Variants in PARP9 observed in about 807,000 individuals in gnomAD.
The protein encoded by PARP9 is protein mono-ADP-ribosyltransferase PARP9.
In PARP9, 48 loss-of-function variants were observed where a neutral mutation model predicts 68.8. The observed-to-expected ratio is 0.70, with a 90% CI of 0.55 to 0.89. The LOEUF (loss-of-function observed/expected upper bound fraction) is 0.89. PARP9 is among the 40% of genes least tolerant of loss of function. The probability of loss-of-function intolerance (pLI) is 0.00; values close to 1 mark genes in which losing one functional copy is unlikely to be tolerated. For missense variants in PARP9, 806 were observed against 969.3 expected, an observed-to-expected ratio of 0.83 and a Z score of 2.24; for synonymous variants, 309 against 333.8, an observed-to-expected ratio of 0.93 and a Z score of 0.81.
At chr3:122,535,027 T>C (rs1406216383) in intron 10 of PARP9, 2 of 979,254 alleles carry the variant, frequency 2.0e-6, no homozygotes, top group East Asian at 1.1e-4. Flanking sequence ...GGTAGGCAAG[T>C]AGCAGAGTCT....
intron 4 of PARP9, among the ~76,000 whole-genome samples, chr3:122,553,855 C>T (rs888667160): frequency 1.3e-5 from 2 of 152,028 alleles, no homozygotes; most frequent in Non-Finnish European, 2.9e-5. Flanking sequence ...TTTGCTGAAC[C>T]CTTAGATGCA....
At chr3:122,537,223 A>G in intron 8 of PARP9, 150 bp from the exon 9 acceptor site, 1 of 782,464 alleles carries the variant, frequency 1.3e-6, no homozygotes, top group Non-Finnish European at 2.0e-6. Context: ...GAGAGCTATA[A>G]TACTACGAGC....
intron 4 of PARP9, 73 bp downstream of exon 4, chr3:122,555,213 G>T: frequency 7.2e-7 from 1 of 1,385,476 alleles, no homozygotes; most frequent in Non-Finnish European, 9.9e-7. Context: ...GTGTTGCATA[G>T]TGTACACTCA....
At position 122,550,761 on chromosome 3, in the gene PARP9, A is replaced by G. The variant is rs150459682; in HGVS notation, c.1149T>C (p.Ile383=). Residue 383 remains isoleucine, a synonymous_variant, in exon 6 of 11, where the codon ATT becomes ATC. Transcript: ENST00000682323. ...AGGAAATGGAAGTTATATTTTGCTCAATGCATTTTTCCAAACACTCCTTCA... is the reference window on the plus strand; with the variant it reads ...AGGAAATGGAAGTTATATTTTGCTCGATGCATTTTTCCAAACACTCCTTCA... ...HAMKECLEKC[I]EQNITSISFP... 7.5e-5 allele frequency: 121 copies of G among 1,614,108 alleles called. No homozygotes were observed. In the African/African-American group the frequency reaches 1.4e-3, roughly 19 times the overall value.
intron 9 of PARP9, 134 bp downstream of exon 9, chr3:122,536,800 A>C: frequency 6.5e-6 from 7 of 1,075,022 alleles, no homozygotes; most frequent in Non-Finnish European, 9.4e-6. Context: ...CTCTCTTTTC[A>C]GTCTTACTGA....
Position 122,550,597 on chromosome 3 carries a change from A to G in PARP9, c.1313T>C (p.Leu438Ser). Residue 438 changes from leucine (L) to serine (S), a missense_variant, in exon 6 of 11, where the codon TTG becomes TCG. By Grantham distance (145) the Leu-to-Ser change is moderately radical. Transcript: ENST00000682323. ...TVKFVIFPTD[L>S]EIYKAFSSEM... ...ATATTAACTTACCTTATATATCTCC[A>G]AATCTGTTGGAAAGATCACAAATTT... 1 of 1,610,370 alleles carries G rather than the reference A, an allele frequency of 6.2e-7. No homozygotes were observed. The highest frequency in any genetic ancestry group is 8.5e-7 in the Non-Finnish European group (1 of 1,177,704).
At chr3:122,535,524 T>C (rs1318253788) in intron 10 of PARP9, 2 of 985,258 alleles carry the variant, frequency 2.0e-6, no homozygotes, top group East Asian at 2.3e-4. Flanking sequence ...TTTCCTCTTT[T>C]GGAGAGAACT....
At chr3:122,547,049 CAT>C (rs1222579668) in intron 6 of PARP9, among the ~76,000 whole-genome samples, 6 of 136,424 alleles carry the variant, frequency 4.4e-5, no homozygotes, top group African/African-American at 1.6e-4. Context: ...TACATACACA[CAT>C]ATATATACAC....
At position 122,537,532 on chromosome 3, in the gene PARP9, C is replaced by T. The variant is rs74322801; in HGVS notation, c.1766-459G>A. On this transcript the variant is annotated intron_variant, in intron 8 of 10. Coordinates refer to ENST00000682323, the MANE Select transcript of PARP9 (RefSeq NM_001146105.2). ...CCTTATTTGATCATTATAGCACCAC[C>T]ACGTAATAATTAACACAATTTTACA... Among the ~76,000 whole-genome samples, 570 of 152,228 alleles carry T rather than the reference C, an allele frequency of 3.7e-3. 9 individuals are homozygous for T. In the East Asian group the frequency reaches 0.044, roughly 12 times the overall value.
rs1285234592 is a variant in PARP9, at chr3:122,549,478, C to T, written c.1326+1106G>A. Among the ~76,000 whole-genome samples, 9 of 152,010 alleles carry T rather than the reference C, an allele frequency of 5.9e-5. No homozygotes were observed. The East Asian group carries it at 1.7e-3, about 29-fold the overall frequency. Reference sequence around the variant, plus strand: ...ACTGATGGGGATTTTAGAGGGAAAACTGATTGAGGAGGAGAAGACAGGCCA... The same window carrying T: ...ACTGATGGGGATTTTAGAGGGAAAATTGATTGAGGAGGAGAAGACAGGCCA... On this transcript the variant is annotated intron_variant, in intron 6 of 10. Transcript: ENST00000682323.
intron 3 of PARP9, among the ~76,000 whole-genome samples, chr3:122,557,594 G>C (rs1180483047): frequency 6.6e-6 from 1 of 152,156 alleles, no homozygotes; most frequent in Non-Finnish European, 1.5e-5. Flanking sequence ...AGCTGAGCAA[G>C]GCCATTCATG....
chr3:122,544,961 G>C (rs2078581927), intron 7 of PARP9, among the ~76,000 whole-genome samples: 1 of 152,148 alleles, frequency 6.6e-6, no homozygotes, highest in South Asian at 2.1e-4. Context: ...ATATTTTGGG[G>C]GTTTTGCGTT....
chr3:122,541,593 C>G (rs2078235586), intron 7 of PARP9, among the ~76,000 whole-genome samples: 1 of 152,142 alleles, frequency 6.6e-6, no homozygotes, highest in South Asian at 2.1e-4. Flanking sequence ...ACATGAATCT[C>G]TGATTTTAAG....
chr3:122,564,661 C>T, upstream of PARP9: 5 of 1,552,546 alleles, frequency 3.2e-6, no homozygotes, highest in African/African-American at 1.4e-5. Flanking sequence ...GGGCCCGGCC[C>T]CCGGGTTTCC....
Position 122,536,247 on chromosome 3 carries a change from C to G in PARP9, c.2001G>C (p.Arg667Ser), listed in dbSNP as rs1194315494. The change falls in exon 10 of 11, where the codon AGG (arginine) becomes AGC (serine). Residue 667 changes from arginine (R) to serine (S), a missense_variant. Transcript: ENST00000682323. ...EKLHRQPVSHRLFQQVPYQFC... is the reference protein window; with the variant it reads ...EKLHRQPVSHSLFQQVPYQFC... The stretch of plus-strand genomic sequence containing the variant: ...ACTGGTATGGGACTTGCTGAAACAG[C>G]CTATGGCTCACAGGTTGCCTGTGCA... The G allele has an allele frequency of 6.2e-7, 1 of 1,614,158 alleles. No individual in the cohort carries two copies. The highest frequency in any genetic ancestry group is 8.5e-7 in the Non-Finnish European group (1 of 1,180,024).
At chr3:122,545,566 A>G in intron 6 of PARP9, 77 bp from the exon 7 acceptor site, 2 of 1,360,042 alleles carry the variant, frequency 1.5e-6, no homozygotes, top group Non-Finnish European at 2.1e-6. Flanking sequence ...CTCTCTGCAC[A>G]CACAGCACTT....
At position 122,528,170 on chromosome 3, in the gene PARP9, T is replaced by A; in HGVS notation, c.*194A>T. ...GAAAGTGTTTCATTTGGTATCTACC[T>A]ACCCCAACCCCAAGACATAAAGACA... On this transcript the variant is annotated 3_prime_UTR_variant, in exon 11 of 11. Coordinates refer to ENST00000682323, the MANE Select transcript of PARP9 (RefSeq NM_001146105.2). 3.3e-6 allele frequency: 2 copies of A among 598,788 alleles called. No homozygotes were observed. The highest frequency in any genetic ancestry group is 2.7e-6 in the Non-Finnish European group (1 of 367,514). The allele number at this position is 598,788 out of a possible 1,614,324, so 37.1% of individuals were successfully genotyped here. A position where few individuals can be genotyped will look rare whatever the true frequency, so the allele number is the denominator to read the frequency against.
chr3:122,550,918 T>C (rs2079149272), intron 5 of PARP9, 116 bp from the exon 6 acceptor site: 1 of 868,754 alleles, frequency 1.2e-6, no homozygotes, highest in South Asian at 1.7e-5. Context: ...AGGGTTCGTG[T>C]CCCTGCCTCC....
At chr3:122,545,741 T>TG in intron 6 of PARP9, 1 of 476,256 alleles carries the variant, frequency 2.1e-6, no homozygotes, top group African/African-American at 2.0e-5. Context: ...AGACTATACA[T>TG]TCCGAGACAA....
Sources: gnomAD v4.1 joint callset for allele counts (sites outside exome capture counted in the v4.1 genomes callset) on GRCh38, gnomAD v4.1.1 for gene constraint, MANE v1.5 for transcripts, NCBI Gene and HGNC (gene_info 2026-07-23, HGNC 2026-07-21) for gene names.